Variants in TBXAS1 observed in about 807,000 individuals in gnomAD.
The protein encoded by TBXAS1 is thromboxane A synthase 1, also known as thromboxane-A synthase.
In TBXAS1, 48 loss-of-function variants were observed where a neutral mutation model predicts 60.7. That is an observed-to-expected ratio of 0.79 (90% CI 0.63 to 1.01). TBXAS1 has a LOEUF of 1.01. Ranked by LOEUF, TBXAS1 falls within the 50% of genes least tolerant of loss-of-function variation. The pLI is 0.00. For synonymous variants in TBXAS1, 287 were observed against 269.7 expected (o/e 1.06, Z -0.63); for missense variants, 685 against 686.3 (o/e 1.00, Z 0.02).
Position 139,896,487 on chromosome 7 carries a change from C to A in TBXAS1, c.237-14738C>A, listed in dbSNP as rs1584793541. Among the ~76,000 whole-genome samples, 1 of 152,002 alleles carries A rather than the reference C, an allele frequency of 6.6e-6. No individual in the cohort carries two copies. Among genetic ancestry groups the A allele is most frequent in the African/African-American group, 2.4e-5 (1 of 41,348 alleles). ...GTTCCCAAACTGTGTGCTGAGACAC[C>A]CCAGGGTGCCACAGTGAACTCACAG... is the stretch of plus-strand genomic sequence containing the variant. On this transcript the variant is annotated intron_variant, in intron 3 of 12. Transcript: ENST00000448866. This position sits in a 1 kb window ranked among gnomAD's most constrained non-coding sequence, Gnocchi z 4.0.
chr7:139,932,391 C>T (rs1202285290), intron 4 of TBXAS1, among the ~76,000 whole-genome samples: 1 of 152,078 alleles, frequency 6.6e-6, no homozygotes, highest in Non-Finnish European at 1.5e-5. Context: ...GTGGAACAGT[C>T]TCCAGGGGTG....
At chr7:139,994,007 C>T (rs913088851) in intron 9 of TBXAS1, among the ~76,000 whole-genome samples, 5 of 151,892 alleles carry the variant, frequency 3.3e-5, no homozygotes, top group African/African-American at 1.2e-4. Flanking sequence ...CCCCAGCCTC[C>T]CAAGTAGCTG....
At chr7:139,955,648 C>CAAGTT in intron 7 of TBXAS1, 41 bp downstream of exon 7, 1 of 1,611,762 alleles carries the variant, frequency 6.2e-7, no homozygotes, top group Non-Finnish European at 8.5e-7. Flanking sequence ...ATGACTCCAG[C>CAAGTT]AAGTTGGGCA....
intron 4 of TBXAS1, among the ~76,000 whole-genome samples, chr7:139,798,361 C>G (rs1233082688): frequency 6.6e-6 from 1 of 152,126 alleles, no homozygotes; most frequent in African/African-American, 2.4e-5. Flanking sequence ...AGGGAGATTC[C>G]CGCATGGGTG....
intron 12 of TBXAS1, among the ~76,000 whole-genome samples, chr7:140,019,299 G>C (rs1193768093): frequency 2.6e-5 from 4 of 152,166 alleles, no homozygotes; most frequent in African/African-American, 9.7e-5. Context: ...TGAGGTCAAG[G>C]GGCAGACGGA....
chr7:139,960,309 C>T (rs112874046), intron 8 of TBXAS1, among the ~76,000 whole-genome samples: 2,977 of 152,290 alleles, frequency 0.02, 44 homozygotes, highest in Non-Finnish European at 0.028. Context: ...GCATACCCAT[C>T]CTCCAAATGC....
At chr7:139,872,883 TC>T (rs1801926981) in intron 2 of TBXAS1, among the ~76,000 whole-genome samples, 1 of 151,808 alleles carries the variant, frequency 6.6e-6, no homozygotes, top group African/African-American at 2.4e-5. Context: ...CTCACCCATT[TC>T]CCCCAAACCC....
chr7:139,990,874 A>C, intron 9 of TBXAS1, among the ~76,000 whole-genome samples: 1 of 152,130 alleles, frequency 6.6e-6, no homozygotes. Context: ...GAGGGACTCC[A>C]GTCCAGTGTG....
chr7:139,953,349 C>A lies in TBXAS1; in HGVS notation c.451-19C>A. 1.2e-6 allele frequency: 2 copies of A among 1,607,292 alleles called. No homozygotes were observed. Among genetic ancestry groups the A allele is most frequent in the Non-Finnish European group, 1.7e-6 (2 of 1,173,834 alleles). On this transcript the variant is annotated intron_variant, in intron 5 of 12. Coordinates refer to ENST00000448866, the MANE Select transcript of TBXAS1 (RefSeq NM_001061.7). ...TCCCGGCATGGTGCCCTAATTACACCTTTGTTATCCATTATCAGATGGTTC... is the reference window on the plus strand; with the variant it reads ...TCCCGGCATGGTGCCCTAATTACACATTTGTTATCCATTATCAGATGGTTC...
intron 9 of TBXAS1, among the ~76,000 whole-genome samples, chr7:139,984,805 GGAAA>G (rs926447455): frequency 3.3e-5 from 4 of 122,712 alleles, no homozygotes; most frequent in Non-Finnish European, 6.6e-5. Context: ...AAGGGAAGGG[GGAAA>G]GAAAGAAAAG....
intron 1 of TBXAS1, among the ~76,000 whole-genome samples, chr7:139,858,818 G>A (rs1369642182): frequency 1.3e-5 from 2 of 152,072 alleles, no homozygotes; most frequent in Admixed American, 6.6e-5. Context: ...AAGGTACACG[G>A]ACTTTAAAAA....
chr7:139,890,400 A>C (rs1803499948), intron 3 of TBXAS1, among the ~76,000 whole-genome samples: 1 of 151,874 alleles, frequency 6.6e-6, no homozygotes, highest in African/African-American at 2.4e-5. Flanking sequence ...TATTTTTAGG[A>C]GAGACGGGGT....
intron 9 of TBXAS1, among the ~76,000 whole-genome samples, chr7:139,997,653 T>C (rs1813389081): frequency 6.6e-6 from 1 of 152,116 alleles, no homozygotes; most frequent in Non-Finnish European, 1.5e-5. Flanking sequence ...GGAATAGAGA[T>C]AGTGGTTACA....
intron 5 of TBXAS1, among the ~76,000 whole-genome samples, chr7:139,939,424 C>A (rs1458090007): frequency 6.7e-6 from 1 of 148,512 alleles, no homozygotes; most frequent in East Asian, 2.0e-4. Flanking sequence ...TTTCATAGAG[C>A]CCATTATTTA....
intron 9 of TBXAS1, among the ~76,000 whole-genome samples, chr7:139,983,078 A>G (rs1812078101): frequency 6.6e-6 from 1 of 152,148 alleles, no homozygotes; most frequent in African/African-American, 2.4e-5. Flanking sequence ...ATTCTTCTCA[A>G]ATTTCCATGT....
intron 3 of TBXAS1, among the ~76,000 whole-genome samples, chr7:139,904,684 A>G (rs1804833748): frequency 1.3e-5 from 2 of 152,102 alleles, no homozygotes; most frequent in Non-Finnish European, 1.5e-5. Context: ...GTATATTCCT[A>G]AGTATTTTTA....
chr7:140,003,647 A>G (rs1182388676), intron 9 of TBXAS1, among the ~76,000 whole-genome samples: 9 of 152,362 alleles, frequency 5.9e-5, no homozygotes, highest in African/African-American at 1.9e-4. Flanking sequence ...ACAAACCGTG[A>G]CAACTTACAA....
At position 139,885,063 on chromosome 7, in the gene TBXAS1, C is replaced by G. The variant is rs139983906; in HGVS notation, c.236+9426C>G. ...CTGGGCCTGCAGATGAGGGACAGAG[C>G]ACCTGGCTAGAAAGGAGAGAGGACT... On this transcript the variant is annotated intron_variant, in intron 3 of 12. Transcript: ENST00000448866. Among the ~76,000 whole-genome samples, 523 of 152,278 alleles carry G rather than the reference C, an allele frequency of 3.4e-3. 5 individuals are homozygous for G. The highest frequency in any genetic ancestry group is 5.2e-3 in the South Asian group (25 of 4,826).
intron 1 of TBXAS1, among the ~76,000 whole-genome samples, chr7:139,864,214 T>A: frequency 6.7e-6 from 1 of 148,612 alleles, no homozygotes. Context: ...AATTAGAAAG[T>A]CCAGAAGGAT....
Sources: allele counts gnomAD v4.1 joint callset (sites outside exome capture counted in the v4.1 genomes callset), GRCh38; gene constraint gnomAD v4.1.1; non-coding constraint Gnocchi (gnomAD v3.1); transcripts MANE v1.5; gene names NCBI Gene and HGNC (gene_info 2026-07-23, HGNC 2026-07-21).